EXOC4: variants seen among roughly 807,000 people sequenced by gnomAD.
EXOC4 encodes SEC8-like 1.
A neutral mutation model predicts 107.2 loss-of-function variants in EXOC4; 71 were observed. The observed-to-expected ratio is 0.66, with a 90% CI of 0.55 to 0.81. The LOEUF is 0.81. Among genes scored for constraint, EXOC4 ranks in the 30% least tolerant of loss-of-function variants. The probability of loss-of-function intolerance (pLI) is 0.00; values close to 1 mark genes in which losing one functional copy is unlikely to be tolerated. For synonymous variants in EXOC4, 456 were observed against 441.2 expected (o/e 1.03, Z -0.42); for missense variants, 1,108 against 1,189.6 (o/e 0.93, Z 1.01).
intron 10 of EXOC4, among the ~76,000 whole-genome samples, chr7:133,638,945 A>T (rs1802780750): frequency 1.3e-5 from 2 of 152,192 alleles, no homozygotes; most frequent in South Asian, 4.1e-4. Flanking sequence ...ACTATTCAGA[A>T]CAAAATGCTT....
At chr7:133,657,942 A>G (rs547647227) in intron 10 of EXOC4, among the ~76,000 whole-genome samples, 24 of 152,276 alleles carry the variant, frequency 1.6e-4, no homozygotes, top group African/African-American at 3.9e-4. Context: ...AGTCATTCCA[A>G]CCCTCATGGT....
chr7:133,663,677 T>C (rs376012207), intron 10 of EXOC4, among the ~76,000 whole-genome samples: 5 of 152,242 alleles, frequency 3.3e-5, no homozygotes, highest in African/African-American at 1.2e-4. Context: ...GCATGTCCTG[T>C]TGGCTTTTCA....
intron 7 of EXOC4, among the ~76,000 whole-genome samples, chr7:133,471,412 C>CAA (rs59230142): frequency 0.011 from 1,404 of 125,302 alleles, 31 homozygotes; most frequent in African/African-American, 0.04. Flanking sequence ...GACTTCATCT[C>CAA]AAAAAAAAAA....
intron 5 of EXOC4, among the ~76,000 whole-genome samples, chr7:133,342,014 G>A (rs935901745): frequency 3.3e-5 from 5 of 151,862 alleles, no homozygotes; most frequent in African/African-American, 4.8e-5. Context: ...TACGTGGAGC[G>A]TTTAGGCCAT....
intron 14 of EXOC4, among the ~76,000 whole-genome samples, chr7:133,987,076 G>T (rs1237629377): frequency 6.6e-6 from 1 of 152,072 alleles, no homozygotes. Flanking sequence ...AAGGATTTCA[G>T]AGTTGTCTTA....
At chr7:134,098,979 A>G in the EXOC4 span, among the ~76,000 whole-genome samples, 1 of 152,078 alleles carries the variant, frequency 6.6e-6, no homozygotes, top group Non-Finnish European at 1.5e-5. Context: ...AGGTGGGGAA[A>G]GGGTCAAGGG....
intron 7 of EXOC4, among the ~76,000 whole-genome samples, chr7:133,415,092 T>C (rs1797445104): frequency 6.6e-6 from 1 of 152,166 alleles, no homozygotes; most frequent in Non-Finnish European, 1.5e-5. Flanking sequence ...GGTTCATCAG[T>C]GTTGTAGCAT....
At chr7:133,510,521 A>C (rs1440874916) in intron 9 of EXOC4, among the ~76,000 whole-genome samples, 1 of 152,132 alleles carries the variant, frequency 6.6e-6, no homozygotes, top group African/African-American at 2.4e-5. Flanking sequence ...CTGGTCTCTA[A>C]AACCTGTGAT....
At chr7:133,769,207 G>T (rs535257312) in intron 10 of EXOC4, among the ~76,000 whole-genome samples, 1 of 152,064 alleles carries the variant, frequency 6.6e-6, no homozygotes, top group Non-Finnish European at 1.5e-5. Flanking sequence ...ACGTATGCCT[G>T]TGTAACAAAC....
chr7:133,702,476 T>C (rs1361229672), intron 10 of EXOC4, among the ~76,000 whole-genome samples: 1 of 151,012 alleles, frequency 6.6e-6, no homozygotes, highest in Non-Finnish European at 1.5e-5. Context: ...GAAGCCTGGA[T>C]TGCAAGTGGG....
chr7:133,589,566 C>G (rs1801490576), intron 9 of EXOC4, among the ~76,000 whole-genome samples: 1 of 152,198 alleles, frequency 6.6e-6, no homozygotes, highest in African/African-American at 2.4e-5. Context: ...TTGTCTGCAG[C>G]AGATCGGAGC....
intron 10 of EXOC4, among the ~76,000 whole-genome samples, chr7:133,754,325 T>C (rs1795854340): frequency 6.6e-6 from 1 of 152,194 alleles, no homozygotes; most frequent in Non-Finnish European, 1.5e-5. Context: ...GGTTCGAATT[T>C]GTGGCATTTG....
chr7:133,955,079 T>C (rs73156959), intron 14 of EXOC4, among the ~76,000 whole-genome samples: 13,830 of 152,274 alleles, frequency 0.091, 861 homozygotes, highest in Middle Eastern at 0.13. Context: ...CTTCTGTCCT[T>C]GTTGCTTGCA....
At chr7:133,418,792 C>T (rs554059859) in intron 7 of EXOC4, among the ~76,000 whole-genome samples, 58 of 152,238 alleles carry the variant, frequency 3.8e-4, no homozygotes, top group East Asian at 1.7e-3. Context: ...TATCCTCTGA[C>T]GCTGGGAGAC....
intron 14 of EXOC4, among the ~76,000 whole-genome samples, chr7:133,945,721 G>A (rs1372558865): frequency 4.6e-5 from 7 of 152,116 alleles, no homozygotes; most frequent in East Asian, 1.9e-4. Flanking sequence ...GCACAGTTGC[G>A]CAATATTCCA....
At chr7:133,612,782 G>A (rs1479574167) in intron 9 of EXOC4, among the ~76,000 whole-genome samples, 2 of 152,126 alleles carry the variant, frequency 1.3e-5, no homozygotes, top group African/African-American at 2.4e-5. Flanking sequence ...AAATGGAAAG[G>A]ATTTACTGAG....
Position 133,895,715 on chromosome 7 carries a change from C to G in EXOC4, c.1851C>G (p.Asp617Glu). The change falls in exon 12 of 18, where the codon GAC becomes GAG. Residue 617 changes from aspartate (D) to glutamate (E), a missense_variant. Transcript: ENST00000253861. ...GCGTGAAGCTCCAGGAGTACAAGGA[C>G]ACCTGCACTGCAGCTTACAGGTAGA... ...MVCVKLQEYK[D>E]TCTAAYRGIV... is the part of the protein sequence containing the mutation. 6.2e-7 allele frequency: 1 copy of G among 1,614,088 alleles called. No individual in the cohort carries two copies. Among genetic ancestry groups the G allele is most frequent in the Non-Finnish European group, 8.5e-7 (1 of 1,179,978 alleles).
chr7:133,404,993 G>C (rs1383987229), intron 7 of EXOC4, among the ~76,000 whole-genome samples: 2 of 150,926 alleles, frequency 1.3e-5, no homozygotes, highest in Middle Eastern at 6.9e-3. Flanking sequence ...AGGATCCCTT[G>C]AGCTCATGAG....
At chr7:133,441,763 A>T (rs940653047) in intron 7 of EXOC4, among the ~76,000 whole-genome samples, 13 of 152,360 alleles carry the variant, frequency 8.5e-5, no homozygotes, top group African/African-American at 3.1e-4. Flanking sequence ...CTTCTAAGAT[A>T]TATGGCTTGC....
Sources: allele counts gnomAD v4.1 joint callset (sites outside exome capture counted in the v4.1 genomes callset), GRCh38; gene constraint gnomAD v4.1.1; transcripts MANE v1.5; gene names NCBI Gene and HGNC (gene_info 2026-07-23, HGNC 2026-07-21).